The following DPP6 variants were observed in gnomAD, a reference collection of about 807,000 sequenced individuals.
The protein encoded by DPP6 is dipeptidyl peptidase like 6.
A neutral mutation model predicts 122.6 loss-of-function variants in DPP6; 69 were observed. The observed-to-expected ratio is 0.56, with a 90% CI of 0.46 to 0.69. The LOEUF (loss-of-function observed/expected upper bound fraction) is 0.69, where lower values mean the gene tolerates loss of function less well. DPP6 is among the 30% of genes least tolerant of loss of function. The pLI is 0.00. For missense variants in DPP6, 928 were observed against 1,116.9 expected (o/e 0.83, Z 2.41); for synonymous variants, 418 against 433.1 (o/e 0.97, Z 0.43).
chr7:153,967,274 C>T (rs1489082318), intron 1 of DPP6, among the ~76,000 whole-genome samples: 1 of 151,994 alleles, frequency 6.6e-6, no homozygotes, highest in East Asian at 1.9e-4. Context: ...ATTCCAGGTC[C>T]AATGCATTTT....
chr7:154,490,650 G>T (rs1317699096), intron 3 of DPP6, among the ~76,000 whole-genome samples: 1 of 152,236 alleles, frequency 6.6e-6, no homozygotes, highest in East Asian at 1.9e-4. Context: ...ATAAAAGTCT[G>T]AAAATAAAAT....
In DPP6 at chr7:154,285,358, A is replaced by G. The variant is rs140665761; in HGVS notation, c.244-160856A>G. ...TGGCTCATTGCAACCTCCACCTCCC[A>G]GGTTCAAGCGATTCTCCTGCCTCAG... On this transcript the variant is annotated intron_variant, in intron 1 of 25. Coordinates refer to ENST00000377770, the MANE Select transcript of DPP6 (RefSeq NM_130797.4). Among the ~76,000 whole-genome samples, 1,106 of 152,132 alleles carry G rather than the reference A, an allele frequency of 7.3e-3. 10 individuals are homozygous for G. Among genetic ancestry groups the G allele is most frequent in the East Asian group, 0.031 (160 of 5,150 alleles).
intron 1 of DPP6, among the ~76,000 whole-genome samples, chr7:154,431,982 C>T (rs1818466531): frequency 6.7e-6 from 1 of 149,990 alleles, no homozygotes; most frequent in Admixed American, 6.6e-5. Context: ...TGTTCCTGTG[C>T]CCTGATCTCA....
intron 1 of DPP6, among the ~76,000 whole-genome samples, chr7:154,158,362 A>G (rs1054450228): frequency 6.6e-6 from 1 of 151,280 alleles, no homozygotes; most frequent in Admixed American, 6.6e-5. Context: ...TTAATTCTGC[A>G]TTCTGGGGGG....
chr7:153,964,289 C>T (rs1795519477), intron 1 of DPP6, among the ~76,000 whole-genome samples: 1 of 152,168 alleles, frequency 6.6e-6, no homozygotes, highest in Admixed American at 6.5e-5. Context: ...AGCCACTGTG[C>T]CCAGCCTGAG....
intron 18 of DPP6, among the ~76,000 whole-genome samples, chr7:154,870,985 A>ATG (rs1189333493): frequency 8.4e-6 from 1 of 119,240 alleles, no homozygotes; most frequent in African/African-American, 3.6e-5. Context: ...AAAAAAAAAA[A>ATG]TGTGTGTGTT....
At chr7:153,880,053 ACAAGGTTCATTTATGAATGTGT>A in the DPP6 span, among the ~76,000 whole-genome samples, 4 of 152,210 alleles carry the variant, frequency 2.6e-5, no homozygotes, top group Admixed American at 6.5e-5. Context: ...AGGAAAATTA[ACAAGGTTCATTTATGAATGTGT>A]CACAAAACTG....
At chr7:154,236,177 TTAA>T (rs1432823782) in intron 1 of DPP6, among the ~76,000 whole-genome samples, 1 of 152,168 alleles carries the variant, frequency 6.6e-6, no homozygotes, top group African/African-American at 2.4e-5. Context: ...TAAAATGAGA[TTAA>T]TAATAATACC....
At position 153,928,454 on chromosome 7, in the gene DPP6, C is replaced by T. The variant is rs1315284834; in HGVS notation, c.51+40720C>T. The stretch of plus-strand genomic sequence containing the variant: ...ACAGAGTTTCACCATGTTGGCCAGG[C>T]TGGTCTTGAACTCCCAACCTCAGGT... On this transcript the variant is annotated intron_variant, in intron 1 of 25. Coordinates refer to the DPP6 transcript ENST00000404039. 2.6e-5 allele frequency among the ~76,000 whole-genome samples: 3 copies of T among 115,752 alleles called. No homozygotes were observed. In the Admixed American group the frequency reaches 3.5e-4, roughly 13 times the overall value. 75.9% of individuals were successfully genotyped at this position (115,752 alleles called of 152,430 possible). A position where few individuals can be genotyped will look rare whatever the true frequency, so the allele number is the denominator to read the frequency against.
the DPP6 span, among the ~76,000 whole-genome samples, chr7:153,812,823 A>G: frequency 1.3e-5 from 2 of 152,120 alleles, no homozygotes; most frequent in African/African-American, 2.4e-5. Flanking sequence ...AAATCGCCCT[A>G]TGTAATCAGC....
rs77278255 is a variant in DPP6, at chr7:154,735,644, T to C, written c.883+7757T>C. Among the ~76,000 whole-genome samples the C allele has an allele frequency of 4.6e-5, 7 of 152,338 alleles. No individual in the cohort carries two copies. In the East Asian group the frequency reaches 1.4e-3, roughly 29 times the overall value. On this transcript the variant is annotated intron_variant, in intron 8 of 25. Coordinates refer to ENST00000377770, the MANE Select transcript of DPP6 (RefSeq NM_130797.4). ...TGAAGAACATGTTAATTTTACCTTG[T>C]AGAGAGACAAGGAGGAAAAGCCAAG...
At chr7:153,909,625 A>T (rs991053255) in intron 1 of DPP6, among the ~76,000 whole-genome samples, 3 of 152,092 alleles carry the variant, frequency 2.0e-5, no homozygotes, top group Non-Finnish European at 4.4e-5. Flanking sequence ...TCCACATCGC[A>T]AACGACCTCC....
chr7:154,766,797 C>T (rs1795928373), intron 8 of DPP6, among the ~76,000 whole-genome samples: 1 of 152,166 alleles, frequency 6.6e-6, no homozygotes, highest in Admixed American at 6.5e-5. Flanking sequence ...CAAGCATGAC[C>T]CACTTTGGAC....
chr7:154,723,232 G>A (rs554141020), intron 7 of DPP6, among the ~76,000 whole-genome samples: 4 of 152,282 alleles, frequency 2.6e-5, no homozygotes, highest in Admixed American at 2.6e-4. Context: ...ACTCCAGCCT[G>A]GGTGACAGAG....
chr7:154,146,731 G>A (rs540193263), intron 1 of DPP6, among the ~76,000 whole-genome samples: 5,498 of 143,006 alleles, frequency 0.038, no homozygotes, highest in African/African-American at 0.14. Context: ...CACTTGTGTC[G>A]GAGAAAGACA....
intron 16 of DPP6, among the ~76,000 whole-genome samples, chr7:154,815,857 G>A (rs1433412501): frequency 2.0e-5 from 3 of 152,120 alleles, no homozygotes; most frequent in African/African-American, 4.8e-5. Flanking sequence ...TTAGCAGATT[G>A]GTTTATCAAG....
At chr7:154,384,737 C>CTTTTTTTTTTT (rs757829890) in intron 1 of DPP6, among the ~76,000 whole-genome samples, 2 of 74,352 alleles carry the variant, frequency 2.7e-5, no homozygotes, top group African/African-American at 6.3e-5. Flanking sequence ...TTCTTTCTTT[C>CTTTTTTTTTTT]TTTTATTTTT....
Position 154,880,181 on chromosome 7 carries a change from A to G in DPP6, c.2079-707A>G, listed in dbSNP as rs557615298. Among the ~76,000 whole-genome samples, 17 of 152,354 alleles carry G rather than the reference A, an allele frequency of 1.1e-4. No homozygotes were observed. In the East Asian group the frequency reaches 3.3e-3, roughly 29 times the overall value. ...GGCGTCCTGCTGCTGGTTGAGGTCC[A>G]GAAACCGGAAGGACCCCAGCCACTT... is the stretch of plus-strand genomic sequence containing the variant. On this transcript the variant is annotated intron_variant, in intron 20 of 25. Transcript: ENST00000377770.
At chr7:154,042,750 G>A (rs565320261) in intron 1 of DPP6, among the ~76,000 whole-genome samples, 2 of 152,308 alleles carry the variant, frequency 1.3e-5, no homozygotes, top group South Asian at 4.1e-4. Flanking sequence ...ATTACATTTA[G>A]TGATTATTTT....
Sources: gnomAD v4.1 joint callset for allele counts (sites outside exome capture counted in the v4.1 genomes callset) on GRCh38, gnomAD v4.1.1 for gene constraint, MANE v1.5 for transcripts, NCBI Gene and HGNC (gene_info 2026-07-23, HGNC 2026-07-21) for gene names.